TENM3: variants seen among roughly 807,000 people sequenced by gnomAD.
The protein encoded by TENM3 is teneurin transmembrane protein 3.
TENM3 carries 63 observed loss-of-function variants against 255.1 expected under a neutral mutation model. The observed-to-expected ratio is 0.25, with a 90% confidence interval of 0.20 to 0.30. The LOEUF is 0.30. Among genes scored for constraint, TENM3 ranks in the 10% least tolerant of loss-of-function variants. The pLI is 1.00. For missense variants in TENM3, 2,929 were observed against 3,461.1 expected (o/e 0.85, Z 3.86); for synonymous variants, 1,306 against 1,322.3 (o/e 0.99, Z 0.27).
the TENM3 span, among the ~76,000 whole-genome samples, chr4:182,057,327 C>G: frequency 6.6e-6 from 1 of 150,476 alleles, no homozygotes; most frequent in African/African-American, 2.4e-5. Context: ...TAAACTGCTG[C>G]AGAAAGAAAG....
At chr4:181,573,657 C>T in the TENM3 span, among the ~76,000 whole-genome samples, 11 of 152,120 alleles carry the variant, frequency 7.2e-5, no homozygotes, top group Admixed American at 6.5e-5. Flanking sequence ...GTCTCTCTCT[C>T]GTCTTAATGC....
At chr4:182,341,436 A>T (rs1764481980) in intron 2 of TENM3, among the ~76,000 whole-genome samples, 1 of 152,128 alleles carries the variant, frequency 6.6e-6, no homozygotes, top group African/African-American at 2.4e-5. Flanking sequence ...CAAAAGTGGG[A>T]TTATACTATA....
intron 1 of TENM3, among the ~76,000 whole-genome samples, chr4:182,149,254 A>T (rs2149571967): frequency 6.6e-6 from 1 of 152,110 alleles, no homozygotes; most frequent in Admixed American, 6.5e-5. Flanking sequence ...TCAAAATGTT[A>T]TTTTACACAA....
At chr4:182,786,457 C>T (rs969509317) in intron 24 of TENM3, among the ~76,000 whole-genome samples, 1 of 151,404 alleles carries the variant, frequency 6.6e-6, no homozygotes, top group Non-Finnish European at 1.5e-5. Context: ...ACTCAGGAGG[C>T]TGAGGCAGGA....
the TENM3 span, among the ~76,000 whole-genome samples, chr4:182,112,981 A>G: frequency 6.6e-6 from 1 of 152,252 alleles, no homozygotes; most frequent in Non-Finnish European, 1.5e-5. Context: ...TAATAATGTT[A>G]TTAAACAGAG....
chr4:181,946,607 G>T, the TENM3 span, among the ~76,000 whole-genome samples: 1 of 152,080 alleles, frequency 6.6e-6, no homozygotes, highest in Admixed American at 6.6e-5. Flanking sequence ...AAAGACCATG[G>T]CCAATTTATC....
the TENM3 span, among the ~76,000 whole-genome samples, chr4:181,983,512 A>G: frequency 6.6e-6 from 1 of 152,144 alleles, no homozygotes; most frequent in East Asian, 1.9e-4. Context: ...ACATGTGATC[A>G]TGTTTGTTAA....
chr4:181,533,403 C>T, the TENM3 span, among the ~76,000 whole-genome samples: 1 of 152,102 alleles, frequency 6.6e-6, no homozygotes. Context: ...GATCAGTCAC[C>T]CTCTGGGGAA....
the TENM3 span, among the ~76,000 whole-genome samples, chr4:181,517,941 T>C: frequency 6.6e-6 from 1 of 152,210 alleles, no homozygotes; most frequent in Non-Finnish European, 1.5e-5. Flanking sequence ...GGTTCACTCA[T>C]TCAAAGCTAT....
At chr4:182,053,550 C>T in the TENM3 span, among the ~76,000 whole-genome samples, 14 of 152,226 alleles carry the variant, frequency 9.2e-5, no homozygotes, top group East Asian at 2.1e-3. Flanking sequence ...TGGCACTAAT[C>T]GATGTCCTGG....
chr4:182,747,437 T>C (rs1280386657), intron 19 of TENM3, among the ~76,000 whole-genome samples: 1 of 152,210 alleles, frequency 6.6e-6, no homozygotes, highest in Non-Finnish European at 1.5e-5. Flanking sequence ...CTGATCAACA[T>C]ATTAAACTTT....
intron 6 of TENM3, among the ~76,000 whole-genome samples, chr4:182,659,463 T>C (rs1754033485): frequency 1.3e-5 from 2 of 152,204 alleles, no homozygotes; most frequent in Admixed American, 6.5e-5. Context: ...ATATAGGGTT[T>C]GATATTATCC....
the TENM3 span, among the ~76,000 whole-genome samples, chr4:181,693,464 C>T: frequency 6.6e-6 from 1 of 152,142 alleles, no homozygotes; most frequent in Non-Finnish European, 1.5e-5. Flanking sequence ...GTGCCTGGTG[C>T]ATTGTCATCA....
At chr4:181,470,183 C>G in the TENM3 span, among the ~76,000 whole-genome samples, 1 of 148,540 alleles carries the variant, frequency 6.7e-6, no homozygotes, top group African/African-American at 2.5e-5. Flanking sequence ...ATTGTAAGAT[C>G]AAATCAGGAA....
chr4:182,765,740 CCT>C (rs1406503004), intron 22 of TENM3, among the ~76,000 whole-genome samples: 3 of 152,096 alleles, frequency 2.0e-5, no homozygotes, highest in African/African-American at 7.2e-5. Context: ...AGTCAGAGCC[CCT>C]GTCTGGATTT....
chr4:182,014,006 G>A, the TENM3 span, among the ~76,000 whole-genome samples: 2 of 61,910 alleles, frequency 3.2e-5, no homozygotes, highest in African/African-American at 7.6e-5. Flanking sequence ...ACATATATAC[G>A]TATATATACG....
chr4:181,964,184 A>G, the TENM3 span, among the ~76,000 whole-genome samples: 3 of 152,010 alleles, frequency 2.0e-5, no homozygotes, highest in East Asian at 3.9e-4. Context: ...TTCAGAAATT[A>G]GAAGTATCTC....
At position 182,371,229 on chromosome 4, in the gene TENM3, TCACACA is replaced by T. The variant is rs3221610; in HGVS notation, c.511+24327_511+24332del. 9.2e-3 allele frequency among the ~76,000 whole-genome samples: 1,328 copies of T among 144,296 alleles called. 12 individuals carry two copies. Among genetic ancestry groups the T allele is most frequent in the African/African-American group, 0.032 (1,260 of 39,010 alleles). 94.7% of individuals were successfully genotyped at this position (144,296 alleles called of 152,430 possible). ...AGGGCCTCAAAAATTCTCCTCCCCA[TCACACA>T]CACACACACACACACACACACACAC... On this transcript the variant is annotated intron_variant, in intron 3 of 27. Coordinates refer to ENST00000511685, the MANE Select transcript of TENM3 (RefSeq NM_001080477.4).
chr4:181,598,343 G>T, the TENM3 span, among the ~76,000 whole-genome samples: 3 of 152,092 alleles, frequency 2.0e-5, no homozygotes, highest in African/African-American at 7.2e-5. Flanking sequence ...GTGTACTACA[G>T]ATCCCAGTTA....
Sources: gnomAD v4.1 joint callset for allele counts (sites outside exome capture counted in the v4.1 genomes callset) on GRCh38, gnomAD v4.1.1 for gene constraint, MANE v1.5 for transcripts, NCBI Gene and HGNC (gene_info 2026-07-23, HGNC 2026-07-21) for gene names.